LRRC42: variants seen among roughly 807,000 people sequenced by gnomAD.
LRRC42 encodes the protein leucine-rich repeat-containing protein 42.
A neutral mutation model predicts 44.3 loss-of-function variants in LRRC42; 43 were observed. The ratio of observed to expected loss-of-function variants is 0.97; its 90% confidence interval spans 0.76 to 1.25. LRRC42 has a LOEUF of 1.25. Ranked by LOEUF, LRRC42 falls within the 50% of genes most tolerant of loss-of-function variation. The probability of loss-of-function intolerance (pLI) is 0.00; values close to 1 mark genes in which losing one functional copy is unlikely to be tolerated. For missense variants in LRRC42, 540 were observed against 509.1 expected (o/e 1.06, Z -0.58); for synonymous variants, 207 against 195.2 (o/e 1.06, Z -0.50).
At chr1:53,956,327 CAG>C (rs1236821972) in intron 3 of LRRC42, among the ~76,000 whole-genome samples, 2 of 152,208 alleles carry the variant, frequency 1.3e-5, no homozygotes, top group East Asian at 1.9e-4. Context: ...CTGGTGGTAA[CAG>C]GGAGGCAAGT....
At chr1:53,952,548 C>T (rs1557644647) in intron 3 of LRRC42, 76 bp downstream of exon 3, 3 of 1,227,284 alleles carry the variant, frequency 2.4e-6, no homozygotes, top group South Asian at 1.5e-5. Context: ...TTAGTGGGCT[C>T]AGGGGCTTCC....
intron 3 of LRRC42, among the ~76,000 whole-genome samples, chr1:53,955,692 G>A (rs991456618): frequency 2.1e-5 from 3 of 146,006 alleles, no homozygotes; most frequent in African/African-American, 7.7e-5. Flanking sequence ...GCAGTGGCTC[G>A]ATCTCAGCTC....
Position 53,960,382 on chromosome 1 carries a change from A to G in LRRC42, c.632A>G (p.Asn211Ser), listed in dbSNP as rs748886136. The change falls in exon 5 of 9, where the codon AAT (asparagine) becomes AGT (serine). Residue 211 changes from asparagine to serine, a missense_variant. Asn to Ser is a conservative substitution (Grantham distance 46). Coordinates refer to ENST00000371370, the MANE Select transcript of LRRC42 (RefSeq NM_001256409.2). ...SSVTQLHLKD[N>S]CLSDAGVRKM... ...GTAACTCAGCTCCACCTGAAGGATAATTGTTTATCTGATGCTGGGGTGCGG... is the reference window on the plus strand; with the variant it reads ...GTAACTCAGCTCCACCTGAAGGATAGTTGTTTATCTGATGCTGGGGTGCGG... 3.7e-6 allele frequency: 6 copies of G among 1,613,696 alleles called. No homozygotes were observed. Among genetic ancestry groups the G allele is most frequent in the Admixed American group, 1.7e-5 (1 of 59,916 alleles).
rs190559377 is a variant in LRRC42, at chr1:53,946,491, G to A, written c.-107G>A. 1,543 of 152,268 alleles carry A rather than the reference G, an allele frequency of 0.01. 15 individuals carry two copies. Among genetic ancestry groups the A allele is most frequent in the South Asian group, 0.019 (92 of 4,820 alleles). The allele number at this position is 152,268 out of a possible 1,614,324, so 9.4% of individuals were successfully genotyped here. On this transcript the variant is annotated 5_prime_UTR_variant, in exon 1 of 9. Coordinates refer to ENST00000371370, the MANE Select transcript of LRRC42 (RefSeq NM_001256409.2). Reference sequence around the variant, plus strand: ...TGAGCCCTTCCCCGTCAGCCGGGCCGCGGGAGGAGGGAGCCGTCACCGAGG... The same window carrying A: ...TGAGCCCTTCCCCGTCAGCCGGGCCACGGGAGGAGGGAGCCGTCACCGAGG...
In LRRC42 at chr1:53,952,011, C is replaced by G; in HGVS notation, c.12C>G (p.Tyr4Ter). 1 of 1,613,640 alleles carries G rather than the reference C, an allele frequency of 6.2e-7. No individual in the cohort carries two copies. Among genetic ancestry groups the G allele is most frequent in the Non-Finnish European group, 8.5e-7 (1 of 1,179,912 alleles). The change falls in exon 3 of 9, where the codon TAC becomes TAG. Residue 4 changes from tyrosine to a stop codon, truncating the protein, a stop_gained. Transcript: ENST00000371370. LOFTEE classifies it high-confidence loss of function. MSY[Y>*]LSSENHLDPG... ...TTGCAACCAAGGCAATGTCTTACTA[C>G]CTCAGCTCAGAAAACCACCTGGACC... is the stretch of plus-strand genomic sequence containing the variant.
At chr1:53,965,855 A>G (rs1327666304) in intron 7 of LRRC42, among the ~76,000 whole-genome samples, 2 of 152,214 alleles carry the variant, frequency 1.3e-5, no homozygotes, top group Non-Finnish European at 2.9e-5. Flanking sequence ...TGATCATGGT[A>G]TGTTATGAGA....
rs1224364181 is a variant in LRRC42, at chr1:53,946,878, G to T, written c.-49+329G>T. 2.7e-5 allele frequency among the ~76,000 whole-genome samples: 4 copies of T among 149,768 alleles called. No individual in the cohort carries two copies. In the South Asian group the frequency reaches 6.4e-4, roughly 24 times the overall value. On this transcript the variant is annotated intron_variant, in intron 1 of 8. Coordinates refer to ENST00000371370, the MANE Select transcript of LRRC42 (RefSeq NM_001256409.2). ...GGGGGAAGGGAATGGGATTTTAGGGGTTCAAGGAGGAAACGAGATAGGATA... is the reference window on the plus strand; with the variant it reads ...GGGGGAAGGGAATGGGATTTTAGGGTTTCAAGGAGGAAACGAGATAGGATA...
chr1:53,961,699 G>T (rs985098504), intron 5 of LRRC42, among the ~76,000 whole-genome samples: 1 of 152,162 alleles, frequency 6.6e-6, no homozygotes, highest in Non-Finnish European at 1.5e-5. Flanking sequence ...CATGAATAAA[G>T]TATGATAAAC....
chr1:53,967,557 A>T (rs921983269), intron 8 of LRRC42, 108 bp from the exon 9 acceptor site: 2 of 1,061,182 alleles, frequency 1.9e-6, no homozygotes, highest in African/African-American at 3.2e-5. Flanking sequence ...ATCAATGCAG[A>T]TATCACCCTG....
chr1:53,966,949 A>G (rs900777863), intron 8 of LRRC42, among the ~76,000 whole-genome samples: 1 of 152,088 alleles, frequency 6.6e-6, no homozygotes, highest in South Asian at 2.1e-4. Flanking sequence ...ACGGGCAGGA[A>G]TAGGGAGTTA....
At chr1:53,950,105 A>G (rs1374362441) in intron 2 of LRRC42, among the ~76,000 whole-genome samples, 1 of 152,228 alleles carries the variant, frequency 6.6e-6, no homozygotes, top group Non-Finnish European at 1.5e-5. Flanking sequence ...CCTAAGTGCT[A>G]TGTAGGAGAG....
In LRRC42 at chr1:53,952,298, A is replaced by G. The variant is rs768096776; in HGVS notation, c.299A>G (p.Asn100Ser). The G allele has an allele frequency of 3.5e-5, 57 of 1,614,080 alleles. No homozygotes were observed. Among genetic ancestry groups the G allele is most frequent in the African/African-American group, 5.3e-5 (4 of 74,930 alleles). ...CTTGTCCTGGGTTTCATCTCCGACA[A>G]TGTGGATCACATTGATTCCCTTATT... is the stretch of plus-strand genomic sequence containing the variant. ...FSLVLGFISDNVDHIDSLIGF... is the reference protein window; with the variant it reads ...FSLVLGFISDSVDHIDSLIGF... Residue 100 changes from asparagine to serine, a missense_variant, in exon 3 of 9, where the codon AAT becomes AGT. Coordinates refer to ENST00000371370, the MANE Select transcript of LRRC42 (RefSeq NM_001256409.2).
chr1:53,947,325 A>G (rs1267574507), intron 1 of LRRC42, among the ~76,000 whole-genome samples: 1 of 150,258 alleles, frequency 6.7e-6, no homozygotes, highest in African/African-American at 2.5e-5. Context: ...TAAGAGTGTC[A>G]CGTTGTGGGA....
At chr1:53,966,594 T>G (rs1359116092) in intron 8 of LRRC42, among the ~76,000 whole-genome samples, 1 of 152,162 alleles carries the variant, frequency 6.6e-6, no homozygotes, top group African/African-American at 2.4e-5. Context: ...ATTACTTACT[T>G]ACGTACCATC....
Position 53,966,310 on chromosome 1 carries a change from G to A in LRRC42, c.942G>A (p.Trp314Ter). Residue 314 changes from tryptophan to a stop codon, truncating the protein, a stop_gained, in exon 8 of 9, where the codon TGG (tryptophan) becomes TGA (stop). Coordinates refer to ENST00000371370, the MANE Select transcript of LRRC42 (RefSeq NM_001256409.2). LOFTEE classifies it high-confidence loss of function. The stretch of plus-strand genomic sequence containing the variant: ...ATATGTTTCAGATCGTTCTGCAGTG[G>A]GAGCGTGTGACTGCGGAAGCTGTGA... ...EGWADQIVLQ[W>*]ERVTAEAVKP... The A allele has an allele frequency of 6.2e-7, 1 of 1,613,102 alleles. No individual in the cohort carries two copies. Among genetic ancestry groups the A allele is most frequent in the East Asian group, 2.2e-5 (1 of 44,874 alleles).
chr1:53,961,952 A>G, intron 5 of LRRC42, 82 bp from the exon 6 acceptor site: 1 of 984,494 alleles, frequency 1.0e-6, no homozygotes, highest in Non-Finnish European at 1.6e-6. Flanking sequence ...CATTGCCCGG[A>G]CGTTTTTCTG....
At chr1:53,955,299 CT>C (rs1028744522) in intron 3 of LRRC42, among the ~76,000 whole-genome samples, 11 of 151,200 alleles carry the variant, frequency 7.3e-5, no homozygotes, top group South Asian at 6.3e-4. Context: ...ATATAGGAAA[CT>C]TTTTTTTTCT....
At chr1:53,950,182 G>A (rs182575185) in intron 2 of LRRC42, among the ~76,000 whole-genome samples, 247 of 152,328 alleles carry the variant, frequency 1.6e-3, no homozygotes, top group Middle Eastern at 0.014. Context: ...TTTCCCAGAA[G>A]AGGGACGAAG....
At chr1:53,964,696 A>G (rs949694690) in intron 7 of LRRC42, among the ~76,000 whole-genome samples, 1 of 152,196 alleles carries the variant, frequency 6.6e-6, no homozygotes, top group African/African-American at 2.4e-5. Context: ...ACACTGTGCT[A>G]AACTCTTTAT....
Sources: gnomAD v4.1 joint callset for allele counts (sites outside exome capture counted in the v4.1 genomes callset) on GRCh38, gnomAD v4.1.1 for gene constraint, MANE v1.5 for transcripts, NCBI Gene and HGNC (gene_info 2026-07-23, HGNC 2026-07-21) for gene names.